USP15: variants seen among roughly 807,000 people sequenced by gnomAD.
USP15 encodes the protein ubiquitin specific peptidase 15, also known as ubiquitin carboxyl-terminal hydrolase 15.
In USP15, 18 loss-of-function variants were observed where a neutral mutation model predicts 127.1. That is an observed-to-expected ratio of 0.14 (90% CI 0.10 to 0.21). The LOEUF (loss-of-function observed/expected upper bound fraction) is 0.21. Ranked by LOEUF, USP15 falls within the 10% of genes least tolerant of loss-of-function variation. USP15 has a pLI of 1.00. For synonymous variants in USP15, 364 were observed against 393.7 expected (o/e 0.92, Z 0.89); for missense variants, 805 against 1,159.9 (o/e 0.69, Z 4.44).
At chr12:62,338,819 A>C (rs2065562085) in intron 6 of USP15, among the ~76,000 whole-genome samples, 1 of 151,908 alleles carries the variant, frequency 6.6e-6, no homozygotes, top group Admixed American at 6.6e-5. Flanking sequence ...GTTCTGTTGC[A>C]TTGGTCTATA....
chr12:62,287,394 C>A, intron 1 of USP15, among the ~76,000 whole-genome samples: 1 of 151,986 alleles, frequency 6.6e-6, no homozygotes, highest in Non-Finnish European at 1.5e-5. Flanking sequence ...GTGTTCTTTG[C>A]CCACATTTAA....
At chr12:62,292,389 G>A (rs975363367) in intron 1 of USP15, among the ~76,000 whole-genome samples, 1 of 152,184 alleles carries the variant, frequency 6.6e-6, no homozygotes, top group African/African-American at 2.4e-5. Context: ...CCTCCCCATG[G>A]CAGGACCCCT....
rs2064063861 is a variant in USP15 at position 62,294,270 on chromosome 12, T to G, written c.181T>G (p.Tyr61Asp). 7.4e-6 allele frequency: 12 copies of G among 1,612,730 alleles called. No homozygotes were observed. The highest frequency in any genetic ancestry group is 1.0e-5 in the Non-Finnish European group (12 of 1,179,564). Reference protein sequence around the residue: ...DKYQMGDQNVYPGPIDNSGLL... With the variant: ...DKYQMGDQNVDPGPIDNSGLL... ...ATACCAGATGGGAGATCAAAATGTG[T>G]ATCCTGGACCCATTGATAACTCTGG... Residue 61 changes from tyrosine (Y) to aspartate (D), a missense_variant, in exon 2 of 22, where the codon TAT (tyrosine) becomes GAT (aspartate). By Grantham distance (160) the Tyr-to-Asp change is radical. This residue lies in a region of USP15 where 69 missense variants were observed against 126.4 expected (regional missense o/e 0.55). Coordinates refer to ENST00000280377, the MANE Select transcript of USP15 (RefSeq NM_001252078.2).
At chr12:62,303,100 C>T (rs2064365006) in intron 3 of USP15, 180 bp downstream of exon 3, 2 of 584,894 alleles carry the variant, frequency 3.4e-6, no homozygotes, top group South Asian at 2.4e-5. Context: ...TTATGCTAGC[C>T]ACTATTGTAA....
intron 3 of USP15, chr12:62,303,430 A>G (rs932021932): frequency 6.6e-6 from 1 of 152,434 alleles, no homozygotes; most frequent in Non-Finnish European, 1.5e-5. Context: ...TCGTTTTTTT[A>G]GGGAACTAAA....
At chr12:62,296,858 G>T (rs779917214) in intron 2 of USP15, among the ~76,000 whole-genome samples, 20 of 152,194 alleles carry the variant, frequency 1.3e-4, no homozygotes, top group African/African-American at 4.8e-4. Flanking sequence ...GGGAGATCAC[G>T]TGCTTAATTT....
intron 6 of USP15, among the ~76,000 whole-genome samples, chr12:62,332,172 A>G (rs943469365): frequency 6.6e-6 from 1 of 151,894 alleles, no homozygotes; most frequent in African/African-American, 2.4e-5. Context: ...TCAAAAAGAA[A>G]AAAAAAAAAA....
In USP15 at chr12:62,391,950, A is replaced by G. The variant is rs138276806; in HGVS notation, c.2304+64A>G. 3.4e-4 allele frequency: 479 copies of G among 1,429,544 alleles called. 2 individuals are homozygous for G. In the African/African-American group the frequency reaches 6.1e-3, roughly 18 times the overall value. 88.6% of individuals were successfully genotyped at this position (1,429,544 alleles called of 1,614,324 possible). ...TTTACTTTATGTGATTACCAGAGAT[A>G]ATCATACTGTTGTGTTACACTCTTT... is the stretch of plus-strand genomic sequence containing the variant. On this transcript the variant is annotated intron_variant, in intron 17 of 21. Coordinates refer to ENST00000280377, the MANE Select transcript of USP15 (RefSeq NM_001252078.2).
chr12:62,320,140 G>T (rs1278136316), intron 4 of USP15, among the ~76,000 whole-genome samples: 2 of 152,212 alleles, frequency 1.3e-5, no homozygotes. Context: ...GCTTGGCTAT[G>T]TGTTCCCACC....
intron 8 of USP15, among the ~76,000 whole-genome samples, chr12:62,362,895 A>G (rs1373661919): frequency 2.0e-5 from 3 of 152,192 alleles, no homozygotes; most frequent in Admixed American, 1.3e-4. Flanking sequence ...GAAAAGTAAC[A>G]TGAGCTTTGA....
chr12:62,396,513 T>C, intron 20 of USP15, 115 bp downstream of exon 20: 1 of 896,298 alleles, frequency 1.1e-6, no homozygotes, highest in African/African-American at 1.7e-5. Flanking sequence ...GTCTTGCATA[T>C]AGTAGTTCAG....
chr12:62,400,161 AG>A (rs1161137027), intron 20 of USP15, among the ~76,000 whole-genome samples: 4 of 152,190 alleles, frequency 2.6e-5, no homozygotes, highest in African/African-American at 9.6e-5. Context: ...GTTATTGAGT[AG>A]TTTATACAAG....
chr12:62,353,293 A>G (rs1172917269), intron 7 of USP15, among the ~76,000 whole-genome samples: 1 of 152,212 alleles, frequency 6.6e-6, no homozygotes, highest in East Asian at 1.9e-4. Flanking sequence ...CTGCTTTGCA[A>G]GTAAGTTTTT....
chr12:62,296,251 G>T lies in USP15; in HGVS notation c.217+1945G>T, dbSNP rs1367629014. Reference sequence around the variant, plus strand: ...ACCTTCAGATAAGAGCCCAGCAGGGGTGATATCTTGACTTCAGCCTTGTAA... The same window carrying T: ...ACCTTCAGATAAGAGCCCAGCAGGGTTGATATCTTGACTTCAGCCTTGTAA... On this transcript the variant is annotated intron_variant, in intron 2 of 21. Coordinates refer to ENST00000280377, the MANE Select transcript of USP15 (RefSeq NM_001252078.2). Among the ~76,000 whole-genome samples the T allele has an allele frequency of 3.3e-5, 5 of 152,312 alleles. No homozygotes were observed. In the South Asian group the frequency reaches 1.0e-3, roughly 32 times the overall value.
chr12:62,393,043 T>G lies in USP15; in HGVS notation c.2421-10T>G. ...TCTATCAAGTGTTAAATACTTCTGT[T>G]TATTCTTAGGTATTGTCCGAATTGT... On this transcript the variant is annotated splice_polypyrimidine_tract_variant and intron_variant, in intron 18 of 21. Transcript: ENST00000280377. 1 of 1,612,778 alleles carries G rather than the reference T, an allele frequency of 6.2e-7. No individual in the cohort carries two copies. The highest frequency in any genetic ancestry group is 8.5e-7 in the Non-Finnish European group (1 of 1,179,624).
intron 7 of USP15, 50 bp downstream of exon 7, chr12:62,349,357 G>T: frequency 8.0e-7 from 1 of 1,252,318 alleles, no homozygotes; most frequent in South Asian, 1.9e-5. Context: ...ACCCTATTAT[G>T]GTTGCAAAAA....
At position 62,414,316 on chromosome 12, in the gene USP15, A is replaced by G. The variant is rs1264563760; in HGVS notation, c.*9941A>G. The G allele has an allele frequency of 2.0e-5, 3 of 150,546 alleles. No homozygotes were observed. The highest frequency in any genetic ancestry group is 4.4e-5 in the Non-Finnish European group (3 of 67,484). The allele number at this position is 150,546 out of a possible 1,614,324, so 9.3% of individuals were successfully genotyped here. On this transcript the variant is annotated 3_prime_UTR_variant, in exon 22 of 22. Transcript: ENST00000280377. ...TCAAAGCATGATAATAAAGTGAAGCAGAATAAAACAAGGTATGCCTGGTTT... is the reference window on the plus strand; with the variant it reads ...TCAAAGCATGATAATAAAGTGAAGCGGAATAAAACAAGGTATGCCTGGTTT...
intron 3 of USP15, chr12:62,312,221 T>TA (rs2064700480): frequency 4.1e-6 from 1 of 246,668 alleles, no homozygotes; most frequent in East Asian, 1.2e-4. Flanking sequence ...GGCCTGGTAT[T>TA]ATGAAATTGT....
intron 1 of USP15, among the ~76,000 whole-genome samples, chr12:62,283,927 G>C (rs1253361147): frequency 6.6e-6 from 1 of 152,186 alleles, no homozygotes; most frequent in Non-Finnish European, 1.5e-5. Flanking sequence ...GGGCAGCAGA[G>C]CGAGACCCTA....
Sources: gnomAD v4.1 joint callset for allele counts (sites outside exome capture counted in the v4.1 genomes callset) on GRCh38, gnomAD v4.1.1 for gene constraint, gnomAD v4.1.1 regional missense constraint, MANE v1.5 for transcripts, NCBI Gene and HGNC (gene_info 2026-07-23, HGNC 2026-07-21) for gene names.